Variants in STIM2 observed in about 807,000 individuals in gnomAD.
The protein encoded by STIM2 is stromal interaction molecule 2.
STIM2 carries 31 observed loss-of-function variants against 85.8 expected under a neutral mutation model. That is an observed-to-expected ratio of 0.36 (90% CI 0.27 to 0.49). The LOEUF is 0.49. Among genes scored for constraint, STIM2 ranks in the 20% least tolerant of loss-of-function variants. The probability of loss-of-function intolerance (pLI) is 0.98; values close to 1 mark genes in which losing one functional copy is unlikely to be tolerated. For synonymous variants in STIM2, 356 were observed against 331.1 expected (o/e 1.08, Z -0.82); for missense variants, 841 against 927.6 (o/e 0.91, Z 1.21).
chr4:26,973,351 T>C (rs910166869), intron 3 of STIM2, among the ~76,000 whole-genome samples: 2 of 152,358 alleles, frequency 1.3e-5, no homozygotes, highest in African/African-American at 4.8e-5. Context: ...TTTTAGATCT[T>C]TCCTGCTTTC....
chr4:26,897,177 G>C (rs1723740136), intron 1 of STIM2, among the ~76,000 whole-genome samples: 1 of 152,190 alleles, frequency 6.6e-6, no homozygotes, highest in Non-Finnish European at 1.5e-5. Context: ...GTCCAGGAGT[G>C]ATGTTTAACT....
At chr4:26,945,237 G>A (rs1040015062) in intron 2 of STIM2, among the ~76,000 whole-genome samples, 1 of 152,106 alleles carries the variant, frequency 6.6e-6, no homozygotes, top group Non-Finnish European at 1.5e-5. Flanking sequence ...AAGGATAGTG[G>A]CCTCCAGTTT....
intron 3 of STIM2, among the ~76,000 whole-genome samples, chr4:26,994,919 G>A (rs145313665): frequency 6.6e-6 from 1 of 151,948 alleles, no homozygotes; most frequent in Non-Finnish European, 1.5e-5. Context: ...TTCATAAAGT[G>A]CCCCTCCCCA....
chr4:27,022,446 A>T, intron 11 of STIM2, 73 bp from the exon 12 acceptor site: 2 of 1,222,634 alleles, frequency 1.6e-6, no homozygotes, highest in Non-Finnish European at 2.3e-6. Flanking sequence ...AAGTTGTTTT[A>T]GTTAGAATGT....
At chr4:26,887,960 C>T (rs1226187401) in intron 1 of STIM2, among the ~76,000 whole-genome samples, 2 of 152,196 alleles carry the variant, frequency 1.3e-5, no homozygotes, top group Non-Finnish European at 2.9e-5. Context: ...AACTCTTGGG[C>T]AGGCGATGAT....
chr4:27,008,930 C>A lies in STIM2; in HGVS notation c.1417C>A (p.Pro473Thr). The change falls in exon 10 of 12, where the codon CCA becomes ACA. Residue 473 changes from proline (P) to threonine (T), a missense_variant. Pro to Thr is a conservative substitution (Grantham distance 38). Around this residue, in one of 3 missense-constraint regions of STIM2, gnomAD observed 408 missense variants for 525.4 expected, o/e 0.78. Transcript: ENST00000467087. ...GGTGGTGATGCCCAGAGTCTCCATT[C>A]CACCCTATCCAATTGCTGGAGGAGT... The A allele has an allele frequency of 6.2e-7, 1 of 1,614,130 alleles. No individual in the cohort carries two copies. The highest frequency in any genetic ancestry group is 8.5e-7 in the Non-Finnish European group (1 of 1,180,022).
chr4:26,965,683 G>C (rs1282367008), intron 3 of STIM2, among the ~76,000 whole-genome samples: 1 of 151,746 alleles, frequency 6.6e-6, no homozygotes, highest in Admixed American at 6.6e-5. Flanking sequence ...TTTCACTTAA[G>C]TACACTTGTG....
At chr4:27,011,185 T>C (rs1486921449) in intron 10 of STIM2, among the ~76,000 whole-genome samples, 1 of 152,236 alleles carries the variant, frequency 6.6e-6, no homozygotes, top group Non-Finnish European at 1.5e-5. Context: ...TATATATCCA[T>C]AACATTATAT....
At chr4:26,993,764 G>A (rs1361971389) in intron 3 of STIM2, among the ~76,000 whole-genome samples, 2 of 152,052 alleles carry the variant, frequency 1.3e-5, no homozygotes, top group East Asian at 1.9e-4. Flanking sequence ...TGCGTCCAGC[G>A]CTTAACTGCT....
At chr4:26,979,020 G>A (rs958742024) in intron 3 of STIM2, among the ~76,000 whole-genome samples, 5 of 152,038 alleles carry the variant, frequency 3.3e-5, no homozygotes, top group African/African-American at 9.7e-5. Context: ...TGAATTTTAC[G>A]GTAATTGAGT....
At chr4:26,911,311 T>A (rs1188936744) in intron 1 of STIM2, among the ~76,000 whole-genome samples, 1 of 152,086 alleles carries the variant, frequency 6.6e-6, no homozygotes, top group Non-Finnish European at 1.5e-5. Flanking sequence ...AAGGTATAGA[T>A]GAAGTTAGCA....
intron 1 of STIM2, 129 bp from the exon 2 acceptor site, chr4:26,919,375 C>T (rs574270537): frequency 2.5e-5 from 28 of 1,141,482 alleles, no homozygotes; most frequent in African/African-American, 1.1e-4. Flanking sequence ...TTCTGTTAGA[C>T]GTTTTAAAGT....
intron 2 of STIM2, among the ~76,000 whole-genome samples, chr4:26,951,321 C>G (rs1343870458): frequency 1.3e-5 from 2 of 152,136 alleles, no homozygotes; most frequent in Non-Finnish European, 2.9e-5. Context: ...TGTACTCCCA[C>G]AGATGTACGA....
At chr4:26,962,223 C>T (rs1483320174) in intron 3 of STIM2, among the ~76,000 whole-genome samples, 1 of 152,158 alleles carries the variant, frequency 6.6e-6, no homozygotes, top group Non-Finnish European at 1.5e-5. Context: ...TCTTGTGTGA[C>T]ATAAATCAGT....
At chr4:26,981,383 A>G (rs1045039544) in intron 3 of STIM2, among the ~76,000 whole-genome samples, 3 of 152,256 alleles carry the variant, frequency 2.0e-5, no homozygotes, top group African/African-American at 7.2e-5. Context: ...CACAAGCTAC[A>G]AAGTAATGGA....
At chr4:27,009,146 A>G (rs1355401593) in intron 10 of STIM2, 144 bp downstream of exon 10, 14 of 640,660 alleles carry the variant, frequency 2.2e-5, no homozygotes, top group Non-Finnish European at 3.5e-5. Context: ...TTAGTAATTT[A>G]AATATTTACT....
At chr4:26,877,644 T>C (rs914981088) in intron 1 of STIM2, among the ~76,000 whole-genome samples, 1 of 152,156 alleles carries the variant, frequency 6.6e-6, no homozygotes, top group African/African-American at 2.4e-5. Flanking sequence ...TGTCACTGCT[T>C]GGGCTGGTTA....
chr4:26,871,775 C>T (rs960088919), intron 1 of STIM2, among the ~76,000 whole-genome samples: 2 of 142,778 alleles, frequency 1.4e-5, no homozygotes, highest in Non-Finnish European at 1.5e-5. Context: ...AATTCCTGGG[C>T]TTAGGCAATC....
Position 27,023,099 on chromosome 4 carries a change from T to G in STIM2, c.*103T>G, listed in dbSNP as rs1365262194. On this transcript the variant is annotated 3_prime_UTR_variant, in exon 12 of 12. Transcript: ENST00000467087. ...TTTGGTTTAATTTTAGGAATGTAAC[T>G]CCATTGGGGCTTTCCAGGCCGGATG... 8.8e-7 allele frequency: 1 copy of G among 1,133,934 alleles called. No individual in the cohort carries two copies. Among genetic ancestry groups the G allele is most frequent in the Non-Finnish European group, 1.3e-6 (1 of 795,222 alleles). 70.2% of individuals were successfully genotyped at this position (1,133,934 alleles called of 1,614,324 possible).
Sources: gnomAD v4.1 joint callset for allele counts (sites outside exome capture counted in the v4.1 genomes callset) on GRCh38, gnomAD v4.1.1 for gene constraint, gnomAD v4.1.1 regional missense constraint, MANE v1.5 for transcripts, NCBI Gene and HGNC (gene_info 2026-07-23, HGNC 2026-07-21) for gene names.